Variants in TMC1 observed in about 807,000 individuals in gnomAD.
TMC1 encodes the protein transmembrane channel like 1.
TMC1 carries 84 observed loss-of-function variants against 105.8 expected under a neutral mutation model. That is an observed-to-expected ratio of 0.79 (90% CI 0.67 to 0.95). The LOEUF (loss-of-function observed/expected upper bound fraction) is 0.95. Among genes scored for constraint, TMC1 ranks in the 40% least tolerant of loss-of-function variants. The pLI is 0.00. For missense variants in TMC1, 817 were observed against 914.1 expected, an observed-to-expected ratio of 0.89 and a Z score of 1.37; for synonymous variants, 315 against 311.5, an observed-to-expected ratio of 1.01 and a Z score of -0.12.
intron 18 of TMC1, among the ~76,000 whole-genome samples, chr9:72,811,537 C>T (rs1828704845): frequency 6.6e-6 from 1 of 152,100 alleles, no homozygotes; most frequent in Non-Finnish European, 1.5e-5. Context: ...TGCAGAATAT[C>T]TTTATCTTCA....
At chr9:72,545,055 A>G (rs1823741469) in intron 1 of TMC1, among the ~76,000 whole-genome samples, 2 of 151,612 alleles carry the variant, frequency 1.3e-5, no homozygotes, top group African/African-American at 4.9e-5. Flanking sequence ...TCCATTCCTG[A>G]GTCTCCAATT....
rs554212261 is a variant in TMC1, at chr9:72,641,670, C to A, written c.-52-6927C>A. Among the ~76,000 whole-genome samples the A allele has an allele frequency of 5.3e-3, 798 of 151,716 alleles. 6 individuals are homozygous for A. Among genetic ancestry groups the A allele is most frequent in the African/African-American group, 0.019 (769 of 41,356 alleles). Reference sequence around the variant, plus strand: ...AGAAACCTTGTGCCCGTGCATTCATCCCTCCTTCTTGGATCCTTTACCTGT... The same window carrying A: ...AGAAACCTTGTGCCCGTGCATTCATACCTCCTTCTTGGATCCTTTACCTGT... On this transcript the variant is annotated intron_variant, in intron 4 of 23. Transcript: ENST00000297784.
chr9:72,785,797 A>G (rs7022721), intron 13 of TMC1, among the ~76,000 whole-genome samples: 30,922 of 152,138 alleles, frequency 0.2, 3,468 homozygotes, highest in African/African-American at 0.29. Context: ...TATTTCTAGA[A>G]TTTTCCATTT....
At chr9:72,737,312 A>T (rs1024816566) in intron 8 of TMC1, among the ~76,000 whole-genome samples, 6 of 152,176 alleles carry the variant, frequency 3.9e-5, no homozygotes, top group African/African-American at 9.7e-5. Flanking sequence ...CGGTTTCAAA[A>T]CCGGCATTGC....
chr9:72,812,032 C>T (rs371855392), intron 18 of TMC1, among the ~76,000 whole-genome samples: 1 of 152,176 alleles, frequency 6.6e-6, no homozygotes. Flanking sequence ...TAGAGTTAGG[C>T]CTGAAACTCG....
At chr9:72,691,049 C>A (rs1201169385) in intron 6 of TMC1, among the ~76,000 whole-genome samples, 3 of 152,006 alleles carry the variant, frequency 2.0e-5, no homozygotes, top group Non-Finnish European at 4.4e-5. Context: ...TTTCAAACAT[C>A]CTATTTTTCA....
intron 20 of TMC1, among the ~76,000 whole-genome samples, chr9:72,822,515 TGTGTGTG>T (rs1414137462): frequency 9.4e-5 from 2 of 21,258 alleles, no homozygotes; most frequent in African/African-American, 4.6e-4. Flanking sequence ...TTAATTCCGT[TGTGTGTG>T]TGTGTGTGTG....
At chr9:72,765,639 TA>T (rs71359521) in intron 12 of TMC1, among the ~76,000 whole-genome samples, 28,676 of 130,266 alleles carry the variant, frequency 0.22, 2,800 homozygotes, top group African/African-American at 0.28. Flanking sequence ...CCTGTCATAC[TA>T]AAAAAAAAAA....
intron 4 of TMC1, among the ~76,000 whole-genome samples, chr9:72,639,530 G>T (rs966210436): frequency 6.6e-6 from 1 of 152,112 alleles, no homozygotes; most frequent in Non-Finnish European, 1.5e-5. Context: ...GTTTTCTAAA[G>T]ATTTTCTGTG....
intron 5 of TMC1, among the ~76,000 whole-genome samples, chr9:72,657,365 T>G (rs1222005833): frequency 6.6e-6 from 1 of 152,206 alleles, no homozygotes; most frequent in Non-Finnish European, 1.5e-5. Flanking sequence ...GTTTCATATA[T>G]TTTGTCTGGC....
intron 8 of TMC1, 118 bp downstream of exon 8, chr9:72,700,761 TACAC>T (rs10645769): frequency 2.9e-3 from 437 of 153,250 alleles, no homozygotes; most frequent in Non-Finnish European, 3.1e-3. Context: ...CACACACACA[TACAC>T]ACACACACAC....
intron 20 of TMC1, among the ~76,000 whole-genome samples, chr9:72,826,260 C>T (rs1828952840): frequency 6.6e-6 from 1 of 152,136 alleles, no homozygotes; most frequent in Non-Finnish European, 1.5e-5. Context: ...GGAGCTGATA[C>T]TTGCCTTCAT....
intron 8 of TMC1, among the ~76,000 whole-genome samples, chr9:72,710,565 G>A (rs376412092): frequency 6.6e-6 from 1 of 152,110 alleles, no homozygotes; most frequent in Non-Finnish European, 1.5e-5. Flanking sequence ...ATGTTTTCCT[G>A]TTGAACAAAG....
At chr9:72,615,197 T>C (rs1174366033) in intron 2 of TMC1, among the ~76,000 whole-genome samples, 3 of 152,220 alleles carry the variant, frequency 2.0e-5, no homozygotes, top group South Asian at 4.1e-4. Flanking sequence ...GGCAATATAC[T>C]AAACAACTTA....
At chr9:72,775,179 C>G (rs1827987477) in intron 13 of TMC1, among the ~76,000 whole-genome samples, 1 of 152,126 alleles carries the variant, frequency 6.6e-6, no homozygotes, top group Non-Finnish European at 1.5e-5. Flanking sequence ...CAGTCCCCAA[C>G]AAACATGGAT....
chr9:72,809,309 C>T (rs554482142), intron 18 of TMC1, among the ~76,000 whole-genome samples: 29 of 152,046 alleles, frequency 1.9e-4, no homozygotes, highest in Non-Finnish European at 3.7e-4. Context: ...GACAGTGTTC[C>T]TGGGTTAGTA....
At chr9:72,669,968 C>T (rs1372066482) in intron 5 of TMC1, among the ~76,000 whole-genome samples, 1 of 152,062 alleles carries the variant, frequency 6.6e-6, no homozygotes, top group African/African-American at 2.4e-5. Flanking sequence ...AGATTCCAGG[C>T]CAGGGTGCAG....
chr9:72,629,907 C>G (rs1176089229), intron 4 of TMC1, among the ~76,000 whole-genome samples: 1 of 152,066 alleles, frequency 6.6e-6, no homozygotes, highest in Non-Finnish European at 1.5e-5. Context: ...ACTCTGTCAC[C>G]TAGGCTGGAG....
intron 1 of TMC1, among the ~76,000 whole-genome samples, chr9:72,543,883 T>C (rs1823719237): frequency 6.6e-6 from 1 of 152,042 alleles, no homozygotes; most frequent in African/African-American, 2.4e-5. Context: ...AATACAGGCA[T>C]GTGCCACCAC....
Sources: gnomAD v4.1 joint callset for allele counts (sites outside exome capture counted in the v4.1 genomes callset) on GRCh38, gnomAD v4.1.1 for gene constraint, MANE v1.5 for transcripts, NCBI Gene and HGNC (gene_info 2026-07-23, HGNC 2026-07-21) for gene names.